ADCY2: variants seen among roughly 807,000 people sequenced by gnomAD.
ADCY2 encodes the protein adenylate cyclase type 2.
Under a neutral mutation model 125.2 loss-of-function variants are expected in ADCY2, and 31 were observed. That is an observed-to-expected ratio of 0.25 (90% CI 0.19 to 0.33). The LOEUF is 0.33. Among genes scored for constraint, ADCY2 ranks in the 10% least tolerant of loss-of-function variants. ADCY2 has a pLI of 1.00. For missense variants in ADCY2, 904 were observed against 1,418.2 expected (o/e 0.64, Z 5.82); for synonymous variants, 512 against 548.4 (o/e 0.93, Z 0.93).
intron 4 of ADCY2, among the ~76,000 whole-genome samples, chr5:7,649,057 GA>G (rs1261118440): frequency 6.6e-6 from 1 of 152,130 alleles, no homozygotes; most frequent in Non-Finnish European, 1.5e-5. Context: ...CTCACTAAAA[GA>G]ATTTCTTTGT....
intron 4 of ADCY2, among the ~76,000 whole-genome samples, chr5:7,632,926 A>T (rs901924053): frequency 5.9e-5 from 9 of 152,182 alleles, no homozygotes; most frequent in Admixed American, 1.3e-4. Flanking sequence ...AAATTTGCGA[A>T]GATTGCAATG....
chr5:7,489,107 C>T (rs1190221046), intron 2 of ADCY2, among the ~76,000 whole-genome samples: 1 of 152,202 alleles, frequency 6.6e-6, no homozygotes, highest in East Asian at 1.9e-4. Context: ...AGGCCCGGCT[C>T]TCCCACTCCC....
chr5:7,623,012 G>A (rs954805895), intron 3 of ADCY2, among the ~76,000 whole-genome samples: 12 of 152,190 alleles, frequency 7.9e-5, no homozygotes, highest in African/African-American at 1.9e-4. Flanking sequence ...GGAAATAAGT[G>A]GGGAGTGGGA....
At chr5:7,479,833 G>T in intron 2 of ADCY2, among the ~76,000 whole-genome samples, 1 of 152,032 alleles carries the variant, frequency 6.6e-6, no homozygotes, top group East Asian at 1.9e-4. Flanking sequence ...CCACAAATGG[G>T]TGAGAATGTG....
chr5:7,741,957 C>T lies in ADCY2; in HGVS notation c.1872-1711C>T, dbSNP rs994024976. 2.1e-4 allele frequency among the ~76,000 whole-genome samples: 32 copies of T among 151,856 alleles called. 1 individual carries two copies. Among genetic ancestry groups the T allele is most frequent in the African/African-American group, 5.8e-4 (24 of 41,306 alleles). The stretch of plus-strand genomic sequence containing the variant: ...TCACCGTCATTATTATCATCATCAT[C>T]ATCAGATAATTTTATACTTGAGTTT... On this transcript the variant is annotated intron_variant, in intron 14 of 24. Coordinates refer to ENST00000338316, the MANE Select transcript of ADCY2 (RefSeq NM_020546.3).
chr5:7,541,446 A>T (rs559496262), intron 3 of ADCY2, among the ~76,000 whole-genome samples: 11 of 152,222 alleles, frequency 7.2e-5, no homozygotes, highest in Non-Finnish European at 1.5e-4. Context: ...GGGGAATGTC[A>T]GAGGTAGAGG....
intron 21 of ADCY2, among the ~76,000 whole-genome samples, chr5:7,804,071 A>AGAGAGAGAGAGAGAGAGAGAGC (rs1280836195): frequency 1.3e-5 from 2 of 148,674 alleles, no homozygotes; most frequent in African/African-American, 2.6e-5. Flanking sequence ...AGAGAGAGAG[A>AGAGAGAGAGAGAGAGAGAGAGC]GAGCTGGTTT....
Position 7,815,497 on chromosome 5 carries a change from G to A in ADCY2, c.2884-1369G>A, listed in dbSNP as rs147453584. Among the ~76,000 whole-genome samples the A allele has an allele frequency of 2.0e-4, 30 of 152,202 alleles. No homozygotes were observed. In the East Asian group the frequency reaches 5.2e-3, roughly 26 times the overall value. ...GTGCACAGAATCGTTAAGTATTGGGGGAGCAGAAACCTTCAGGACATTTAA... is the reference window on the plus strand; with the variant it reads ...GTGCACAGAATCGTTAAGTATTGGGAGAGCAGAAACCTTCAGGACATTTAA... On this transcript the variant is annotated intron_variant, in intron 22 of 24. Coordinates refer to ENST00000338316, the MANE Select transcript of ADCY2 (RefSeq NM_020546.3).
intron 2 of ADCY2, among the ~76,000 whole-genome samples, chr5:7,506,351 T>G (rs77557833): frequency 0.16 from 24,047 of 152,174 alleles, 2,417 homozygotes; most frequent in Non-Finnish European, 0.23. Flanking sequence ...ATTTAAAAGT[T>G]AAAAGCCGTC....
At chr5:7,814,354 A>G (rs575631716) in intron 22 of ADCY2, among the ~76,000 whole-genome samples, 32 of 147,948 alleles carry the variant, frequency 2.2e-4, no homozygotes, top group Admixed American at 1.8e-3. Flanking sequence ...CGCCCCCCGG[A>G]GCATTGTTAT....
intron 7 of ADCY2, among the ~76,000 whole-genome samples, chr5:7,699,393 G>A (rs936717048): frequency 2.0e-4 from 31 of 152,036 alleles, no homozygotes; most frequent in African/African-American, 6.0e-4. Flanking sequence ...CACCGCGCCC[G>A]GCCAGTAAGC....
intron 4 of ADCY2, among the ~76,000 whole-genome samples, chr5:7,634,964 A>G (rs1243404715): frequency 6.6e-6 from 1 of 152,160 alleles, no homozygotes; most frequent in African/African-American, 2.4e-5. Context: ...AGGTTGAAAT[A>G]TGAATTGCTG....
intron 4 of ADCY2, among the ~76,000 whole-genome samples, chr5:7,639,111 C>G (rs116629142): frequency 1.3e-5 from 2 of 152,050 alleles, no homozygotes; most frequent in Non-Finnish European, 2.9e-5. Context: ...TGCCCAGTCT[C>G]GGGTATGTGT....
rs550675969 is a variant in ADCY2 at position 7,668,369 on chromosome 5, G to C, written c.721-22322G>C. On this transcript the variant is annotated intron_variant, in intron 4 of 24. Transcript: ENST00000338316. ...CTTCAGACTGCTCATCTGCCCTGTG[G>C]AATCTTAACTTGCCAGCTCCTGCAG... Among the ~76,000 whole-genome samples the C allele has an allele frequency of 2.2e-4, 34 of 152,288 alleles. No individual in the cohort carries two copies. The South Asian group carries it at 3.9e-3, about 18-fold the overall frequency.
At chr5:7,583,819 A>G (rs1329663181) in intron 3 of ADCY2, among the ~76,000 whole-genome samples, 1 of 152,148 alleles carries the variant, frequency 6.6e-6, no homozygotes, top group Non-Finnish European at 1.5e-5. Context: ...AAAACTGGGA[A>G]CAGCTGAAGT....
chr5:7,612,112 ATTC>A (rs1382300610), intron 3 of ADCY2, among the ~76,000 whole-genome samples: 1 of 152,012 alleles, frequency 6.6e-6, no homozygotes, highest in African/African-American at 2.4e-5. Flanking sequence ...CATTTTTTTT[ATTC>A]TTAGAACTGA....
chr5:7,737,126 T>C (rs1682314638), intron 14 of ADCY2, among the ~76,000 whole-genome samples: 1 of 152,168 alleles, frequency 6.6e-6, no homozygotes, highest in Admixed American at 6.6e-5. Context: ...AAGCTTTATC[T>C]AGTTAATGGA....
At chr5:7,433,192 T>C (rs2126380584) in intron 2 of ADCY2, among the ~76,000 whole-genome samples, 1 of 152,310 alleles carries the variant, frequency 6.6e-6, no homozygotes, top group Non-Finnish European at 1.5e-5. Flanking sequence ...CTCTTGGCCT[T>C]CCCTCTTTTT....
At chr5:7,463,186 A>G (rs962298961) in intron 2 of ADCY2, among the ~76,000 whole-genome samples, 2 of 152,176 alleles carry the variant, frequency 1.3e-5, no homozygotes, top group African/African-American at 4.8e-5. Context: ...ACCTATGCCT[A>G]TTACATGCCA....
Sources: gnomAD v4.1 joint callset for allele counts (sites outside exome capture counted in the v4.1 genomes callset) on GRCh38, gnomAD v4.1.1 for gene constraint, MANE v1.5 for transcripts, NCBI Gene and HGNC (gene_info 2026-07-23, HGNC 2026-07-21) for gene names.